The following RUFY3 variants were observed in gnomAD, a reference collection of about 807,000 sequenced individuals.
RUFY3 encodes protein RUFY3.
A neutral mutation model predicts 84.0 loss-of-function variants in RUFY3; 34 were observed. That is an observed-to-expected ratio of 0.40 (90% CI 0.31 to 0.54). The LOEUF (loss-of-function observed/expected upper bound fraction) is 0.54, where lower values mean the gene tolerates loss of function less well. Among genes scored for constraint, RUFY3 ranks in the 20% least tolerant of loss-of-function variants. RUFY3 has a pLI of 0.39. For synonymous variants in RUFY3, 242 were observed against 252.9 expected (o/e 0.96, Z 0.41); for missense variants, 507 against 736.8 (o/e 0.69, Z 3.61).
intron 9 of RUFY3, among the ~76,000 whole-genome samples, chr4:70,783,722 A>G (rs936178952): frequency 1.1e-4 from 17 of 152,226 alleles, no homozygotes; most frequent in Admixed American, 6.5e-4. Context: ...ACTGAGGATC[A>G]TTAATTACCA....
At chr4:70,705,661 C>T (rs990176496) in intron 1 of RUFY3, among the ~76,000 whole-genome samples, 17 of 152,278 alleles carry the variant, frequency 1.1e-4, no homozygotes, top group East Asian at 9.7e-4. Flanking sequence ...TGGCCCTGTC[C>T]CGGGTCCCGG....
At chr4:70,784,609 AGT>A (rs1294522559) in intron 9 of RUFY3, among the ~76,000 whole-genome samples, 185 bp from the exon 10 acceptor site, 1 of 152,230 alleles carries the variant, frequency 6.6e-6, no homozygotes, top group Non-Finnish European at 1.5e-5. Flanking sequence ...TTTTAAATAA[AGT>A]GTCAGGAAGC....
chr4:70,745,010 T>C (rs939536027), intron 1 of RUFY3, among the ~76,000 whole-genome samples: 14 of 151,572 alleles, frequency 9.2e-5, no homozygotes, highest in African/African-American at 3.4e-4. Context: ...GCTGGAGTGC[T>C]GTGGTGCAAT....
At position 70,795,517 on chromosome 4, in the gene RUFY3, A is replaced by G. The variant is rs542306277; in HGVS notation, c.1557+623A>G. Among the ~76,000 whole-genome samples, 20 of 152,330 alleles carry G rather than the reference A, an allele frequency of 1.3e-4. No individual in the cohort carries two copies. In the South Asian group the frequency reaches 3.9e-3, roughly 30 times the overall value. On this transcript the variant is annotated intron_variant, in intron 14 of 17. Transcript: ENST00000381006. ...GGTAAGATCATCTCTGGGGCCCAGG[A>G]AATAATGAAATCAGAAAAACATAAA...
chr4:70,724,707 A>G (rs1293604455), intron 1 of RUFY3, among the ~76,000 whole-genome samples: 1 of 152,240 alleles, frequency 6.6e-6, no homozygotes, highest in African/African-American at 2.4e-5. Context: ...TAAATTGGGC[A>G]AGAAAGCTAT....
At chr4:70,705,325 C>T in intron 1 of RUFY3, 3 of 1,323,416 alleles carry the variant, frequency 2.3e-6, no homozygotes, top group South Asian at 1.9e-5. Context: ...GGGACGCCCG[C>T]GGGGAAGGGA....
At chr4:70,720,444 A>G (rs1742137493), upstream of RUFY3, among the ~76,000 whole-genome samples, 1 of 152,180 alleles carries the variant, frequency 6.6e-6, no homozygotes, top group Admixed American at 6.5e-5. Context: ...TTGGCCTCCC[A>G]AAGTGCTGGT....
chr4:70,722,311 A>G lies in RUFY3; in HGVS notation c.-263A>G. The G allele has an allele frequency of 8.1e-7, 1 of 1,234,772 alleles. No homozygotes were observed. Among genetic ancestry groups the G allele is most frequent in the South Asian group, 4.2e-5 (1 of 24,018 alleles). The allele number at this position is 1,234,772 out of a possible 1,614,324, so 76.5% of individuals were successfully genotyped here. A position where few individuals can be genotyped will look rare whatever the true frequency, so the allele number is the denominator to read the frequency against. ...GATAAAAGGAGAGGAAGCTGGGAGA[A>G]GACAAGCATCATCTTATTTTGCTAT... On this transcript the variant is annotated 5_prime_UTR_variant, in exon 1 of 18. Transcript: ENST00000381006.
intron 9 of RUFY3, among the ~76,000 whole-genome samples, chr4:70,783,898 G>C (rs1052997233): frequency 2.0e-5 from 3 of 151,990 alleles, no homozygotes; most frequent in African/African-American, 7.3e-5. Context: ...CTGATGCTCG[G>C]TGTTATCTTT....
At chr4:70,739,985 C>T (rs1424575441) in intron 1 of RUFY3, among the ~76,000 whole-genome samples, 5 of 141,340 alleles carry the variant, frequency 3.5e-5, no homozygotes, top group African/African-American at 1.3e-4. Context: ...AGAAAAACTC[C>T]GTCTCAAAAA....
intron 1 of RUFY3, among the ~76,000 whole-genome samples, chr4:70,744,543 G>A (rs929590157): frequency 6.6e-6 from 1 of 151,982 alleles, no homozygotes; most frequent in African/African-American, 2.4e-5. Context: ...ACTGGCTTCT[G>A]GCCTCCTAAA....
chr4:70,734,522 A>C (rs71599969), intron 1 of RUFY3: 3 of 985,220 alleles, frequency 3.0e-6, no homozygotes, highest in Non-Finnish European at 3.6e-6. Context: ...TATGGGACAA[A>C]GTTTTCTGGA....
chr4:70,708,491 C>T (rs115208547), intron 1 of RUFY3, among the ~76,000 whole-genome samples: 7 of 152,222 alleles, frequency 4.6e-5, no homozygotes, highest in East Asian at 3.9e-4. Flanking sequence ...TTCTTAATTA[C>T]GAGAATGGTA....
At chr4:70,745,482 A>G (rs889945578) in intron 1 of RUFY3, among the ~76,000 whole-genome samples, 5 of 152,210 alleles carry the variant, frequency 3.3e-5, no homozygotes, top group Admixed American at 3.3e-4. Context: ...TTAGTTTTTC[A>G]ATAAATATCG....
chr4:70,785,330 T>C (rs1022997359), intron 10 of RUFY3, among the ~76,000 whole-genome samples: 1 of 152,044 alleles, frequency 6.6e-6, no homozygotes, highest in Non-Finnish European at 1.5e-5. Context: ...CATCCAGTAT[T>C]AGTCTTAAGA....
chr4:70,772,147 G>A, intron 5 of RUFY3, among the ~76,000 whole-genome samples: 1 of 150,186 alleles, frequency 6.7e-6, no homozygotes, highest in East Asian at 1.9e-4. Context: ...TTTATATTGT[G>A]TATATATATA....
chr4:70,755,379 A>G (rs1469208125), intron 1 of RUFY3, among the ~76,000 whole-genome samples: 1 of 152,230 alleles, frequency 6.6e-6, no homozygotes, highest in East Asian at 1.9e-4. Context: ...CTAATATTAA[A>G]TATATCTTTC....
chr4:70,738,076 C>G (rs1029389789), intron 1 of RUFY3, among the ~76,000 whole-genome samples: 2 of 151,034 alleles, frequency 1.3e-5, no homozygotes, highest in African/African-American at 2.4e-5. Context: ...CTCCACCTCC[C>G]AGGCTCAAGC....
chr4:70,725,175 G>C (rs913700868), intron 1 of RUFY3, among the ~76,000 whole-genome samples: 1 of 152,148 alleles, frequency 6.6e-6, no homozygotes, highest in Admixed American at 6.5e-5. Flanking sequence ...TAAAACCAGA[G>C]TTCCTGGCCC....
Sources: allele counts gnomAD v4.1 joint callset (sites outside exome capture counted in the v4.1 genomes callset), GRCh38; gene constraint gnomAD v4.1.1; transcripts MANE v1.5; gene names NCBI Gene and HGNC (gene_info 2026-07-23, HGNC 2026-07-21).